Variants in NAV3 observed in about 807,000 individuals in gnomAD.
The protein encoded by NAV3 is pore membrane and/or filament interacting like protein 1.
Under a neutral mutation model 244.7 loss-of-function variants are expected in NAV3, and 87 were observed. The ratio of observed to expected loss-of-function variants is 0.36; its 90% CI spans 0.30 to 0.42. The LOEUF (loss-of-function observed/expected upper bound fraction) is 0.42, where lower values mean the gene tolerates loss of function less well. Among genes scored for constraint, NAV3 ranks in the 20% least tolerant of loss-of-function variants. NAV3 has a pLI of 1.00. For missense variants in NAV3, 2,663 were observed against 2,893.3 expected (o/e 0.92, Z 1.83); for synonymous variants, 1,126 against 1,042.2 (o/e 1.08, Z -1.55).
At chr12:77,657,744 A>G (rs969825032) in intron 2 of NAV3, among the ~76,000 whole-genome samples, 3,264 of 152,300 alleles carry the variant, frequency 0.021, 104 homozygotes, top group African/African-American at 0.074. Flanking sequence ...CAGCACATCC[A>G]AAAGCTTATC....
chr12:78,019,826 C>T (rs11107885), intron 8 of NAV3, among the ~76,000 whole-genome samples: 1 of 152,024 alleles, frequency 6.6e-6, no homozygotes, highest in African/African-American at 2.4e-5. Context: ...AAGTTTTCAC[C>T]AGAGGGCTCC....
intron 2 of NAV3, among the ~76,000 whole-genome samples, chr12:77,709,170 T>A (rs896689067): frequency 6.6e-6 from 1 of 152,076 alleles, no homozygotes; most frequent in African/African-American, 2.4e-5. Flanking sequence ...ATAAATGTAA[T>A]CCAGCATATA....
chr12:77,667,538 G>A (rs1873770904), intron 2 of NAV3, among the ~76,000 whole-genome samples: 1 of 151,944 alleles, frequency 6.6e-6, no homozygotes, highest in Non-Finnish European at 1.5e-5. Flanking sequence ...TAATACCACT[G>A]GGAACATAAG....
chr12:77,947,287 T>C (rs1219028195), intron 3 of NAV3: 1 of 152,012 alleles, frequency 6.6e-6, no homozygotes, highest in Non-Finnish European at 1.5e-5. Flanking sequence ...CTATTGCTTA[T>C]ATTTATCTGG....
intron 9 of NAV3, among the ~76,000 whole-genome samples, chr12:78,032,213 A>G (rs1018492460): frequency 6.6e-6 from 1 of 152,216 alleles, no homozygotes; most frequent in Admixed American, 6.5e-5. Flanking sequence ...GATTTGCCAT[A>G]CTATTAAAGA....
intron 2 of NAV3, among the ~76,000 whole-genome samples, chr12:77,671,813 T>G (rs1873988268): frequency 6.6e-6 from 1 of 152,068 alleles, no homozygotes; most frequent in Non-Finnish European, 1.5e-5. Context: ...TTCTGGAAGA[T>G]AACGTCAGAA....
In NAV3 at chr12:78,177,591, T is replaced by A. The variant is rs111933611; in HGVS notation, c.5298-29T>A. 2.5e-6 allele frequency: 4 copies of A among 1,584,556 alleles called. No individual in the cohort carries two copies. In the South Asian group the frequency reaches 4.4e-5, roughly 18 times the overall value. On this transcript the variant is annotated intron_variant, in intron 27 of 39. Transcript: ENST00000397909. Reference sequence around the variant, plus strand: ...ACTTCTTTTCATGGGCATTTGTCCATGTATCTGTCTAACTGTATGTACATA... The same window carrying A: ...ACTTCTTTTCATGGGCATTTGTCCAAGTATCTGTCTAACTGTATGTACATA...
At chr12:77,856,254 G>C (rs952825331) in intron 1 of NAV3, among the ~76,000 whole-genome samples, 1 of 152,140 alleles carries the variant, frequency 6.6e-6, no homozygotes, top group African/African-American at 2.4e-5. Flanking sequence ...CTATGAAGTA[G>C]AGTATTATTA....
chr12:77,833,237 G>A (rs1341069833), intron 1 of NAV3, among the ~76,000 whole-genome samples: 1 of 152,096 alleles, frequency 6.6e-6, no homozygotes. Flanking sequence ...GGCAGGTCTC[G>A]TATCTTATCC....
chr12:77,675,902 TC>T (rs1163792405), intron 2 of NAV3, among the ~76,000 whole-genome samples: 4 of 152,080 alleles, frequency 2.6e-5, no homozygotes, highest in African/African-American at 9.7e-5. Context: ...TGGACTTTGA[TC>T]CTGGCCAGTA....
Position 77,626,785 on chromosome 12 carries a change from A to T in NAV3, c.72+54519A>T, listed in dbSNP as rs545773676. Among the ~76,000 whole-genome samples the T allele has an allele frequency of 3.3e-5, 5 of 152,322 alleles. No homozygotes were observed. In the East Asian group the frequency reaches 9.6e-4, roughly 29 times the overall value. On this transcript the variant is annotated intron_variant, in intron 2 of 8. Transcript: ENST00000550042. ...ACAGGGAACTCATCTCCATTAGACC[A>T]GTCATTAGGACTTAAATGCTTAAGG...
At chr12:78,042,067 T>C (rs1411346897) in intron 9 of NAV3, among the ~76,000 whole-genome samples, 1 of 152,148 alleles carries the variant, frequency 6.6e-6, no homozygotes, top group Non-Finnish European at 1.5e-5. Context: ...CCCTCCTCCT[T>C]TCTGTTTTCA....
chr12:77,824,241 A>ATTTTTTTTTTTTTTTTTTT (rs61710960), intron 2 of NAV3, among the ~76,000 whole-genome samples: 5 of 104,902 alleles, frequency 4.8e-5, no homozygotes, highest in Non-Finnish European at 7.3e-5. Flanking sequence ...GCCCAACTAA[A>ATTTTTTTTTTTTTTTTTTT]TTTTTTTTTT....
At chr12:77,893,109 G>T (rs1243215587) in intron 1 of NAV3, among the ~76,000 whole-genome samples, 2 of 152,072 alleles carry the variant, frequency 1.3e-5, no homozygotes, top group African/African-American at 2.4e-5. Flanking sequence ...CTAATTGTAG[G>T]ATTTTTACTT....
intron 12 of NAV3, among the ~76,000 whole-genome samples, chr12:78,089,719 A>T (rs901870364): frequency 2.6e-5 from 4 of 152,138 alleles, no homozygotes; most frequent in Non-Finnish European, 4.4e-5. Flanking sequence ...ACCATGTGTA[A>T]GTTGATACTT....
chr12:77,678,586 C>T (rs914588420), intron 2 of NAV3, among the ~76,000 whole-genome samples: 1 of 152,306 alleles, frequency 6.6e-6, no homozygotes, highest in Admixed American at 6.6e-5. Flanking sequence ...CTGCGGAATG[C>T]TAGCTGGTGC....
chr12:78,017,949 T>C (rs1322839654), intron 8 of NAV3, among the ~76,000 whole-genome samples: 1 of 152,158 alleles, frequency 6.6e-6, no homozygotes, highest in Non-Finnish European at 1.5e-5. Context: ...GTGGAAATAC[T>C]AGAGAAACGG....
chr12:77,716,278 G>GTT (rs564948047), intron 2 of NAV3, among the ~76,000 whole-genome samples: 1 of 146,548 alleles, frequency 6.8e-6, no homozygotes. Flanking sequence ...GTAATAGCAA[G>GTT]TTTTTTTTTT....
chr12:77,868,344 T>G (rs1880403489), intron 1 of NAV3, among the ~76,000 whole-genome samples: 1 of 152,146 alleles, frequency 6.6e-6, no homozygotes, highest in African/African-American at 2.4e-5. Flanking sequence ...TTATTCTATT[T>G]TATCTTATTT....
Sources: gnomAD v4.1 joint callset for allele counts (sites outside exome capture counted in the v4.1 genomes callset) on GRCh38, gnomAD v4.1.1 for gene constraint, MANE v1.5 for transcripts, NCBI Gene and HGNC (gene_info 2026-07-23, HGNC 2026-07-21) for gene names.